The following TBC1D22A variants were observed in gnomAD, a reference collection of about 807,000 sequenced individuals.
TBC1D22A encodes the protein putative GTPase activator.
A neutral mutation model predicts 60.2 loss-of-function variants in TBC1D22A; 38 were observed. The ratio of observed to expected loss-of-function variants is 0.63; its 90% CI spans 0.49 to 0.83. The LOEUF is 0.83. TBC1D22A is among the 40% of genes least tolerant of loss of function. The probability of loss-of-function intolerance (pLI) is 0.00; values close to 1 mark genes in which losing one functional copy is unlikely to be tolerated. For synonymous variants in TBC1D22A, 302 were observed against 281.7 expected, an observed-to-expected ratio of 1.07 and a Z score of -0.72; for missense variants, 628 against 701.0, an observed-to-expected ratio of 0.90 and a Z score of 1.18.
intron 1 of TBC1D22A, among the ~76,000 whole-genome samples, chr22:46,779,772 C>T (rs2083859412): frequency 6.6e-6 from 1 of 152,200 alleles, no homozygotes; most frequent in Non-Finnish European, 1.5e-5. Context: ...AGACAAAATG[C>T]AGCCCCTGTA....
intron 8 of TBC1D22A, among the ~76,000 whole-genome samples, chr22:46,958,026 G>GA (rs2073299490): frequency 6.6e-6 from 1 of 152,032 alleles, no homozygotes; most frequent in South Asian, 2.1e-4. Context: ...GGGGTTGGGG[G>GA]AGTGATGGGG....
chr22:46,790,320 G>T (rs770400198), intron 1 of TBC1D22A, among the ~76,000 whole-genome samples: 1 of 152,228 alleles, frequency 6.6e-6, no homozygotes, highest in South Asian at 2.1e-4. Context: ...AGCCAGGAAG[G>T]TTCTCTGCTT....
chr22:46,871,406 T>G (rs143072941), intron 4 of TBC1D22A, among the ~76,000 whole-genome samples: 151 of 152,362 alleles, frequency 9.9e-4, no homozygotes, highest in African/African-American at 3.5e-3. Context: ...TAACTGATAA[T>G]GCACGTCCTT....
intron 12 of TBC1D22A, among the ~76,000 whole-genome samples, chr22:47,127,791 G>T (rs1569462190): frequency 1.3e-5 from 2 of 151,912 alleles, no homozygotes; most frequent in Non-Finnish European, 2.9e-5. Flanking sequence ...GCTCACAGAT[G>T]TGCTGCTCTT....
chr22:47,019,166 C>T lies in TBC1D22A; in HGVS notation c.1202-17905C>T, dbSNP rs562887527. 6.6e-5 allele frequency among the ~76,000 whole-genome samples: 10 copies of T among 152,340 alleles called. No individual in the cohort carries two copies. In the South Asian group the frequency reaches 1.0e-3, roughly 16 times the overall value. On this transcript the variant is annotated intron_variant, in intron 10 of 12. Coordinates refer to ENST00000337137, the MANE Select transcript of TBC1D22A (RefSeq NM_014346.5). ...ACGGAGCCTGCGTTTGTTCACTTTC[C>T]GAGTGGCCTCCCAGTGCGCTGGGTG...
chr22:46,783,467 C>G (rs1289312989), intron 1 of TBC1D22A, among the ~76,000 whole-genome samples: 1 of 152,216 alleles, frequency 6.6e-6, no homozygotes, highest in African/African-American at 2.4e-5. Flanking sequence ...GTATCTCCAT[C>G]CAGCATGGGA....
chr22:47,114,489 T>G (rs1054050510), intron 12 of TBC1D22A, among the ~76,000 whole-genome samples: 1 of 152,036 alleles, frequency 6.6e-6, no homozygotes, highest in East Asian at 1.9e-4. Context: ...CACAATGTGT[T>G]GTGGGCACTG....
chr22:46,860,231 C>T (rs1212331121), intron 4 of TBC1D22A, among the ~76,000 whole-genome samples: 1 of 23,830 alleles, frequency 4.2e-5, no homozygotes, highest in Non-Finnish European at 7.3e-5. Flanking sequence ...TGCCCCTTCC[C>T]GGGACCAGAA....
chr22:46,771,843 C>T (rs953243357), intron 1 of TBC1D22A, among the ~76,000 whole-genome samples: 1 of 152,164 alleles, frequency 6.6e-6, no homozygotes, highest in Middle Eastern at 3.4e-3. Context: ...GATCCACCCG[C>T]CTCGGCCTCC....
chr22:47,042,708 C>T (rs1382376035), intron 11 of TBC1D22A, among the ~76,000 whole-genome samples: 58 of 152,218 alleles, frequency 3.8e-4, no homozygotes, highest in Admixed American at 3.8e-3. Context: ...CTGTCCACTG[C>T]TGAGAGGGGC....
intron 11 of TBC1D22A, among the ~76,000 whole-genome samples, chr22:47,038,113 T>A (rs1807721): frequency 0.55 from 83,584 of 152,036 alleles, 25,285 homozygotes; most frequent in Middle Eastern, 0.74. Context: ...TGTGGGGGGT[T>A]TACGCGCCAG....
At chr22:47,000,887 A>G (rs1236486186) in intron 10 of TBC1D22A, among the ~76,000 whole-genome samples, 1 of 152,074 alleles carries the variant, frequency 6.6e-6, no homozygotes, top group Non-Finnish European at 1.5e-5. Context: ...TTGAATTGCT[A>G]TCTACAAAAT....
At chr22:47,003,629 A>T (rs889405381) in intron 10 of TBC1D22A, among the ~76,000 whole-genome samples, 3 of 139,918 alleles carry the variant, frequency 2.1e-5, no homozygotes, top group Admixed American at 1.4e-4. Context: ...CACCAGATAC[A>T]TATACACACA....
intron 12 of TBC1D22A, among the ~76,000 whole-genome samples, chr22:47,164,615 G>A (rs903211050): frequency 1.3e-5 from 2 of 152,206 alleles, no homozygotes; most frequent in African/African-American, 4.8e-5. Flanking sequence ...TGTCAGTGTC[G>A]AGTCAGGAAT....
intron 11 of TBC1D22A, among the ~76,000 whole-genome samples, chr22:47,061,376 C>T (rs539543443): frequency 1.3e-5 from 2 of 152,132 alleles, no homozygotes; most frequent in South Asian, 4.1e-4. Context: ...TCACTCTCTC[C>T]TCTGCCTTGG....
At chr22:46,901,352 T>A (rs1438545691) in intron 7 of TBC1D22A, among the ~76,000 whole-genome samples, 1 of 152,236 alleles carries the variant, frequency 6.6e-6, no homozygotes, top group Non-Finnish European at 1.5e-5. Context: ...TTGTTTTCTC[T>A]GGTAATAGTG....
intron 4 of TBC1D22A, among the ~76,000 whole-genome samples, chr22:46,826,945 GTT>G (rs985060370): frequency 6.9e-6 from 1 of 144,258 alleles, no homozygotes; most frequent in Non-Finnish European, 1.5e-5. Flanking sequence ...TTTAGTTTCC[GTT>G]TTTTTTTTTT....
chr22:47,163,970 TC>T (rs1276558604), intron 12 of TBC1D22A, among the ~76,000 whole-genome samples: 1 of 152,208 alleles, frequency 6.6e-6, no homozygotes, highest in Non-Finnish European at 1.5e-5. Flanking sequence ...TGGCCGTACT[TC>T]TTTCCAGTGG....
At chr22:46,775,745 CT>C (rs1287983192) in intron 1 of TBC1D22A, among the ~76,000 whole-genome samples, 2 of 152,204 alleles carry the variant, frequency 1.3e-5, no homozygotes, top group Admixed American at 6.5e-5. Flanking sequence ...TTTTAAATAG[CT>C]GAGAGAAAAG....
Sources: allele counts gnomAD v4.1 joint callset (sites outside exome capture counted in the v4.1 genomes callset), GRCh38; gene constraint gnomAD v4.1.1; transcripts MANE v1.5; gene names NCBI Gene and HGNC (gene_info 2026-07-23, HGNC 2026-07-21).